The following TIAM1 variants were observed in gnomAD, a reference collection of about 807,000 sequenced individuals.
TIAM1 encodes rho guanine nucleotide exchange factor TIAM1.
In TIAM1, 65 loss-of-function variants were observed where a neutral mutation model predicts 163.5. The ratio of observed to expected loss-of-function variants is 0.40; its 90% CI spans 0.33 to 0.49. TIAM1 has a LOEUF of 0.49. Ranked by LOEUF, TIAM1 falls within the 20% of genes least tolerant of loss-of-function variation. The pLI, the probability that TIAM1 is intolerant of heterozygous loss-of-function variation, is 0.77. For missense variants in TIAM1, 1,789 were observed against 2,044.7 expected, an observed-to-expected ratio of 0.87 and a Z score of 2.41; for synonymous variants, 833 against 810.1, an observed-to-expected ratio of 1.03 and a Z score of -0.48.
chr21:31,426,793 T>A (rs910169030), intron 2 of TIAM1, among the ~76,000 whole-genome samples: 1 of 152,038 alleles, frequency 6.6e-6, no homozygotes, highest in East Asian at 1.9e-4. Flanking sequence ...AAAAAGCAAT[T>A]TGTAAGGCCC....
At chr21:31,283,832 G>A (rs566685059) in intron 2 of TIAM1, among the ~76,000 whole-genome samples, 4 of 152,138 alleles carry the variant, frequency 2.6e-5, no homozygotes, top group East Asian at 1.9e-4. Context: ...ATGAGTCACC[G>A]CGCCCATCCC....
Position 31,238,989 on chromosome 21 carries a change from G to T in TIAM1, c.1584+6499C>A, listed in dbSNP as rs144611300. On this transcript the variant is annotated intron_variant, in intron 6 of 27. Transcript: ENST00000541036. Reference sequence around the variant, plus strand: ...TACATGTGACTCACATTAAGATGGTGGTATACAATAAGGGCTAAGTAAAAC... The same window carrying T: ...TACATGTGACTCACATTAAGATGGTTGTATACAATAAGGGCTAAGTAAAAC... 2.8e-3 allele frequency among the ~76,000 whole-genome samples: 433 copies of T among 152,176 alleles called. 6 individuals are homozygous for T. Among genetic ancestry groups the T allele is most frequent in the African/African-American group, 0.01 (424 of 41,506 alleles).
rs940138081 is a variant in TIAM1, at chr21:31,462,753, T to G, written c.-369+1230A>C. 3.9e-4 allele frequency among the ~76,000 whole-genome samples: 59 copies of G among 150,012 alleles called. 2 individuals carry two copies. The highest frequency in any genetic ancestry group is 6.3e-4 in the South Asian group (3 of 4,784). On this transcript the variant is annotated intron_variant, in intron 2 of 28. Transcript: ENST00000286827. ...ACTTTTTTGTTTTTTTTTTTTGTTT[T>G]TTTTTTTGAGACCAAGTCTCACTCT...
At chr21:31,424,659 A>T (rs2043717493) in intron 2 of TIAM1, among the ~76,000 whole-genome samples, 1 of 152,188 alleles carries the variant, frequency 6.6e-6, no homozygotes, top group African/African-American at 2.4e-5. Context: ...ATGTGGAGTG[A>T]TTATTTATTA....
chr21:31,275,029 C>T (rs935975515), intron 3 of TIAM1, among the ~76,000 whole-genome samples: 1 of 150,680 alleles, frequency 6.6e-6, no homozygotes, highest in East Asian at 2.0e-4. Context: ...GGCTGAGGCA[C>T]GAGAATCTCT....
At chr21:31,244,891 AAC>A (rs2071411719) in intron 6 of TIAM1, among the ~76,000 whole-genome samples, 3 of 152,226 alleles carry the variant, frequency 2.0e-5, no homozygotes, top group African/African-American at 7.2e-5. Flanking sequence ...AGTATATTAC[AAC>A]TATTCCAAAC....
intron 19 of TIAM1, among the ~76,000 whole-genome samples, chr21:31,149,396 A>C (rs1180198230): frequency 2.0e-5 from 3 of 152,210 alleles, no homozygotes. Flanking sequence ...GTTGGCACTC[A>C]AAAAGTTTCC....
chr21:31,179,336 A>G (rs962866255), intron 15 of TIAM1, among the ~76,000 whole-genome samples: 24 of 151,834 alleles, frequency 1.6e-4, no homozygotes, highest in Admixed American at 1.3e-3. Flanking sequence ...GCAGTGAGCC[A>G]AGATGGCGCC....
At chr21:31,294,936 A>C (rs1238158787) in intron 2 of TIAM1, among the ~76,000 whole-genome samples, 1 of 152,198 alleles carries the variant, frequency 6.6e-6, no homozygotes. Flanking sequence ...CCACACTCAC[A>C]GGAACAGCCT....
chr21:31,298,730 T>TTGAGGGTG (rs2074381595), intron 2 of TIAM1, among the ~76,000 whole-genome samples: 1 of 80,606 alleles, frequency 1.2e-5, no homozygotes, highest in Non-Finnish European at 2.6e-5. Flanking sequence ...TCAGATCCAA[T>TTGAGGGTG]TGAGGGTGTG....
chr21:31,277,220 C>T (rs1601799370), intron 2 of TIAM1, among the ~76,000 whole-genome samples: 1 of 152,130 alleles, frequency 6.6e-6, no homozygotes, highest in African/African-American at 2.4e-5. Context: ...TAAAGAAGTC[C>T]GCTAAAACCC....
intron 13 of TIAM1, among the ~76,000 whole-genome samples, chr21:31,190,465 C>T (rs751453679): frequency 1.3e-5 from 2 of 151,986 alleles, no homozygotes; most frequent in Admixed American, 6.6e-5. Flanking sequence ...GATTCCTCAA[C>T]CTAGAAAAAC....
chr21:31,293,184 AAGGT>A (rs1435929848), intron 2 of TIAM1, among the ~76,000 whole-genome samples: 2 of 152,094 alleles, frequency 1.3e-5, no homozygotes, highest in African/African-American at 4.8e-5. Flanking sequence ...TGAAATCTGC[AAGGT>A]AGGGTTGGAG....
chr21:31,321,959 A>G (rs1215318626), intron 2 of TIAM1, among the ~76,000 whole-genome samples: 1 of 152,088 alleles, frequency 6.6e-6, no homozygotes, highest in Admixed American at 6.6e-5. Context: ...AGGCTGAGGC[A>G]CAAGAATCAC....
intron 5 of TIAM1, among the ~76,000 whole-genome samples, chr21:31,250,906 A>G (rs2071767466): frequency 6.6e-6 from 1 of 152,232 alleles, no homozygotes; most frequent in Admixed American, 6.5e-5. Context: ...AAATAAAGTG[A>G]TCTACACATG....
At chr21:31,426,073 A>C (rs2043785385) in intron 2 of TIAM1, among the ~76,000 whole-genome samples, 1 of 152,034 alleles carries the variant, frequency 6.6e-6, no homozygotes, top group Non-Finnish European at 1.5e-5. Context: ...TTTTGGTTAC[A>C]TGGATAAGTC....
intron 2 of TIAM1, among the ~76,000 whole-genome samples, chr21:31,402,989 C>T (rs754115438): frequency 2.6e-5 from 4 of 152,076 alleles, no homozygotes; most frequent in East Asian, 3.9e-4. Context: ...TCTTCCTGTA[C>T]GTCTCCAAGA....
intron 15 of TIAM1, among the ~76,000 whole-genome samples, chr21:31,170,101 C>T (rs1392854327): frequency 2.0e-5 from 3 of 152,104 alleles, no homozygotes; most frequent in Non-Finnish European, 4.4e-5. Context: ...AATACTTAAA[C>T]TTCATGTTTA....
At chr21:31,475,470 C>A (rs1482063223) in intron 1 of TIAM1, among the ~76,000 whole-genome samples, 1 of 152,176 alleles carries the variant, frequency 6.6e-6, no homozygotes, top group Non-Finnish European at 1.5e-5. Flanking sequence ...TGAGACTACA[C>A]CATGTAGGTA....
Sources: gnomAD v4.1 joint callset for allele counts (sites outside exome capture counted in the v4.1 genomes callset) on GRCh38, gnomAD v4.1.1 for gene constraint, MANE v1.5 for transcripts, NCBI Gene and HGNC (gene_info 2026-07-23, HGNC 2026-07-21) for gene names.